The following RCOR1 variants were observed in gnomAD, a reference collection of about 807,000 sequenced individuals.
RCOR1 encodes REST corepressor 1.
In RCOR1, 12 loss-of-function variants were observed where a neutral mutation model predicts 64.0. The observed-to-expected ratio is 0.19, with a 90% confidence interval of 0.12 to 0.30. RCOR1 has a LOEUF of 0.30. RCOR1 is among the 10% of genes least tolerant of loss of function. The probability of loss-of-function intolerance (pLI) is 1.00; values close to 1 mark genes in which losing one functional copy is unlikely to be tolerated. For synonymous variants in RCOR1, 279 were observed against 227.2 expected, an observed-to-expected ratio of 1.23 and a Z score of -2.05; for missense variants, 502 against 621.2, an observed-to-expected ratio of 0.81 and a Z score of 2.04.
At chr14:102,679,945 G>A (rs1312996854) in intron 2 of RCOR1, among the ~76,000 whole-genome samples, 2 of 151,988 alleles carry the variant, frequency 1.3e-5, no homozygotes, top group East Asian at 1.9e-4. Context: ...TATCAATTAC[G>A]GCAAAAGAAG....
At chr14:102,653,913 G>A (rs1458706785) in intron 2 of RCOR1, among the ~76,000 whole-genome samples, 2 of 139,836 alleles carry the variant, frequency 1.4e-5, no homozygotes, top group Non-Finnish European at 3.1e-5. Context: ...CTCATCTCAG[G>A]TATTTCCTTC....
intron 3 of RCOR1, among the ~76,000 whole-genome samples, chr14:102,698,128 G>A (rs114254033): frequency 0.012 from 1,895 of 152,300 alleles, 19 homozygotes; most frequent in Admixed American, 0.016. Context: ...GCAGCATTCG[G>A]GATCTACTGT....
At chr14:102,596,179 G>C (rs777208268) in intron 2 of RCOR1, among the ~76,000 whole-genome samples, 1 of 151,218 alleles carries the variant, frequency 6.6e-6, no homozygotes, top group African/African-American at 2.4e-5. Flanking sequence ...TGGGCTCACC[G>C]CAACCTCTGC....
chr14:102,604,018 G>T lies in RCOR1; in HGVS notation c.361+10693G>T, dbSNP rs544353252. 8.5e-5 allele frequency among the ~76,000 whole-genome samples: 13 copies of T among 152,194 alleles called. No individual in the cohort carries two copies. In the South Asian group the frequency reaches 2.5e-3, roughly 29 times the overall value. ...AGGATTGAGTTTATTTGACTAGGAAGGGATAAAAATACATTCCTGACTGGA... is the reference window on the plus strand; with the variant it reads ...AGGATTGAGTTTATTTGACTAGGAATGGATAAAAATACATTCCTGACTGGA... On this transcript the variant is annotated intron_variant, in intron 2 of 11. Transcript: ENST00000262241.
chr14:102,629,914 G>T, intron 2 of RCOR1: 1 of 728,474 alleles, frequency 1.4e-6, no homozygotes, highest in Non-Finnish European at 1.7e-6. Flanking sequence ...GTGGTAAGTG[G>T]CAGAACTCAG....
chr14:102,706,822 AAAT>A lies in RCOR1; in HGVS notation c.499-505_499-503del, dbSNP rs57117799. On this transcript the variant is annotated intron_variant, in intron 4 of 11. Transcript: ENST00000262241. Reference sequence around the variant, plus strand: ...GGGTGACAGATCCAGACCCTGTCTCAAATAATAATAATAATAATAATAATAAAT... The same window carrying A: ...GGGTGACAGATCCAGACCCTGTCTCAAATAATAATAATAATAATAATAAAT... 2.4e-3 allele frequency among the ~76,000 whole-genome samples: 363 copies of A among 150,362 alleles called. 2 individuals carry two copies. In the South Asian group the frequency reaches 0.033, roughly 14 times the overall value.
intron 2 of RCOR1, among the ~76,000 whole-genome samples, chr14:102,636,907 G>T (rs1894251892): frequency 6.6e-6 from 1 of 151,930 alleles, no homozygotes; most frequent in South Asian, 2.1e-4. Flanking sequence ...GGAGGTGGAG[G>T]TTGCAGTGAG....
At chr14:102,686,830 C>G (rs1179165847) in intron 3 of RCOR1, among the ~76,000 whole-genome samples, 1 of 152,106 alleles carries the variant, frequency 6.6e-6, no homozygotes, top group Admixed American at 6.5e-5. Flanking sequence ...TATTGTCATG[C>G]TAGGAACCCC....
In RCOR1 at chr14:102,729,857, C is replaced by T; in HGVS notation, c.*3351C>T. The T allele has an allele frequency of 2.5e-6, 1 of 399,076 alleles. No individual in the cohort carries two copies. Among genetic ancestry groups the T allele is most frequent in the Non-Finnish European group, 4.4e-6 (1 of 226,066 alleles). 24.7% of individuals were successfully genotyped at this position (399,076 alleles called of 1,614,324 possible). A position where few individuals can be genotyped will look rare whatever the true frequency, so the allele number is the denominator to read the frequency against. On this transcript the variant is annotated 3_prime_UTR_variant, in exon 12 of 12. Transcript: ENST00000262241. ...ATGGAGCCAACTCCAACGAGGGCCT[C>T]TTTTTCTCTCTTGTCTAGCCTGTTT...
In RCOR1 at chr14:102,714,408, G is replaced by C; in HGVS notation, c.859-15G>C. ...TTTTTTTAAGTTTCATTCATCACCT[G>C]TGTATATCATGCAGGTTCCCCCTAC... On this transcript the variant is annotated splice_polypyrimidine_tract_variant and intron_variant, in intron 7 of 11. Coordinates refer to ENST00000262241, the MANE Select transcript of RCOR1 (RefSeq NM_015156.4). 6.4e-7 allele frequency: 1 copy of C among 1,567,272 alleles called. No individual in the cohort carries two copies. Among genetic ancestry groups the C allele is most frequent in the Non-Finnish European group, 8.7e-7 (1 of 1,150,138 alleles).
intron 4 of RCOR1, among the ~76,000 whole-genome samples, chr14:102,706,983 A>G (rs1214958468): frequency 6.6e-6 from 1 of 152,014 alleles, no homozygotes; most frequent in Non-Finnish European, 1.5e-5. Context: ...ACCATCCTGA[A>G]TTGTATACTT....
At chr14:102,605,890 A>G (rs772729668) in intron 2 of RCOR1, among the ~76,000 whole-genome samples, 3 of 151,934 alleles carry the variant, frequency 2.0e-5, no homozygotes, top group Non-Finnish European at 4.4e-5. Context: ...GATGATCCTG[A>G]CTGTAGGCTA....
At chr14:102,713,165 G>A (rs559429402) in intron 7 of RCOR1, among the ~76,000 whole-genome samples, 17 of 151,172 alleles carry the variant, frequency 1.1e-4, no homozygotes, top group Non-Finnish European at 1.6e-4. Flanking sequence ...TCTTGGCCAG[G>A]CTGGTTTTGA....
At chr14:102,647,841 G>A (rs560196060) in intron 2 of RCOR1, among the ~76,000 whole-genome samples, 1 of 151,862 alleles carries the variant, frequency 6.6e-6, no homozygotes, top group Non-Finnish European at 1.5e-5. Context: ...ACCACACCTG[G>A]TTAATTTTTG....
rs1204911528 is a variant in RCOR1 at position 102,728,702 on chromosome 14, T to A, written c.*2196T>A. ...AGGCCTTGATCTGTATTCTGCACTA[T>A]CCCTTTACTTGGTTCCTGGCACTGA... On this transcript the variant is annotated 3_prime_UTR_variant, in exon 12 of 12. Coordinates refer to ENST00000262241, the MANE Select transcript of RCOR1 (RefSeq NM_015156.4). The A allele has an allele frequency of 6.6e-6, 1 of 152,188 alleles. No homozygotes were observed. 9.4% of individuals were successfully genotyped at this position (152,188 alleles called of 1,614,324 possible). A position where few individuals can be genotyped will look rare whatever the true frequency, so the allele number is the denominator to read the frequency against.
chr14:102,636,270 A>T (rs1445965914), intron 2 of RCOR1, among the ~76,000 whole-genome samples: 1 of 151,740 alleles, frequency 6.6e-6, no homozygotes, highest in East Asian at 1.9e-4. Context: ...AATTTTTTTT[A>T]ACGTAGAAAT....
chr14:102,620,702 C>A (rs1038536602), intron 2 of RCOR1, among the ~76,000 whole-genome samples: 2 of 152,168 alleles, frequency 1.3e-5, no homozygotes, highest in African/African-American at 4.8e-5. Flanking sequence ...TCCCGGGCCA[C>A]AGAGACTCTG....
chr14:102,625,330 G>A (rs1893958257), intron 2 of RCOR1, among the ~76,000 whole-genome samples: 1 of 149,188 alleles, frequency 6.7e-6, no homozygotes, highest in African/African-American at 2.5e-5. Context: ...CCACCTCCTG[G>A]ATTCAAGCGA....
At chr14:102,712,753 G>A (rs768543169) in intron 7 of RCOR1, among the ~76,000 whole-genome samples, 1 of 149,978 alleles carries the variant, frequency 6.7e-6, no homozygotes, top group African/African-American at 2.5e-5. Flanking sequence ...ATAAGATCCT[G>A]AGGGTTAGCT....
Sources: allele counts gnomAD v4.1 joint callset (sites outside exome capture counted in the v4.1 genomes callset), GRCh38; gene constraint gnomAD v4.1.1; transcripts MANE v1.5; gene names NCBI Gene and HGNC (gene_info 2026-07-23, HGNC 2026-07-21).